BCKDHB: variants seen among roughly 807,000 people sequenced by gnomAD.
BCKDHB encodes branched chain keto acid dehydrogenase E1 subunit beta, also known as 2-oxoisovalerate dehydrogenase subunit beta, mitochondrial.
A neutral mutation model predicts 48.5 loss-of-function variants in BCKDHB; 41 were observed. That is an observed-to-expected ratio of 0.85 (90% confidence interval 0.66 to 1.10). BCKDHB has a LOEUF of 1.10. Ranked by LOEUF, BCKDHB falls within the 50% of genes least tolerant of loss-of-function variation. The pLI, the probability that BCKDHB is intolerant of heterozygous loss-of-function variation, is 0.00. For synonymous variants in BCKDHB, 201 were observed against 174.8 expected, an observed-to-expected ratio of 1.15 and a Z score of -1.18; for missense variants, 496 against 494.2, an observed-to-expected ratio of 1.00 and a Z score of -0.03.
intron 8 of BCKDHB, among the ~76,000 whole-genome samples, chr6:80,216,269 A>T (rs1372598567): frequency 6.6e-6 from 1 of 152,110 alleles, no homozygotes; most frequent in African/African-American, 2.4e-5. Context: ...AAAAATTGTC[A>T]CTTGAGAGTT....
the BCKDHB span, among the ~76,000 whole-genome samples, chr6:80,448,061 C>T: frequency 9.2e-5 from 14 of 151,986 alleles, no homozygotes; most frequent in East Asian, 1.9e-4. Flanking sequence ...GAGAGTTAAA[C>T]GGAGGTGCTG....
chr6:80,343,501 A>T, intron 9 of BCKDHB, 163 bp from the exon 10 acceptor site: 1 of 753,458 alleles, frequency 1.3e-6, no homozygotes, highest in Non-Finnish European at 2.2e-6. Flanking sequence ...GGATCATGCG[A>T]ACATGCTGTT....
the BCKDHB span, among the ~76,000 whole-genome samples, chr6:80,400,716 C>T: frequency 2.0e-5 from 3 of 151,776 alleles, no homozygotes; most frequent in Non-Finnish European, 3.0e-5. Flanking sequence ...TAACTGGGTA[C>T]ATATCCCCAA....
the BCKDHB span, among the ~76,000 whole-genome samples, chr6:80,403,308 C>A: frequency 6.6e-6 from 1 of 151,716 alleles, no homozygotes; most frequent in Admixed American, 6.6e-5. Flanking sequence ...ACAGATCTTA[C>A]ACTTCTTTGG....
chr6:80,421,663 A>G, the BCKDHB span, among the ~76,000 whole-genome samples: 2 of 152,204 alleles, frequency 1.3e-5, no homozygotes, highest in African/African-American at 2.4e-5. Flanking sequence ...TACTCTTACC[A>G]TGCTTTAGCA....
downstream of BCKDHB, among the ~76,000 whole-genome samples, chr6:80,349,209 C>T (rs1479679553): frequency 6.6e-6 from 1 of 152,158 alleles, no homozygotes; most frequent in East Asian, 1.9e-4. Flanking sequence ...TGCTGTTAAC[C>T]TTGAAAGTTT....
intron 3 of BCKDHB, among the ~76,000 whole-genome samples, chr6:80,154,038 T>C: frequency 6.6e-6 from 1 of 152,206 alleles, no homozygotes; most frequent in East Asian, 1.9e-4. Context: ...CACTTTACCT[T>C]CTACCTGTGC....
chr6:80,350,201 C>A (rs1346546082), downstream of BCKDHB, among the ~76,000 whole-genome samples: 2 of 151,990 alleles, frequency 1.3e-5, no homozygotes, highest in Non-Finnish European at 2.9e-5. Context: ...AATATGAGAT[C>A]ACTGATGTGC....
At chr6:80,182,931 A>G (rs1207189833) in intron 6 of BCKDHB, among the ~76,000 whole-genome samples, 2 of 152,132 alleles carry the variant, frequency 1.3e-5, no homozygotes, top group African/African-American at 4.8e-5. Flanking sequence ...TTTTATATTC[A>G]TAAAACCGTA....
At chr6:80,117,324 A>G (rs1488980442) in intron 1 of BCKDHB, among the ~76,000 whole-genome samples, 1 of 152,234 alleles carries the variant, frequency 6.6e-6, no homozygotes, top group Non-Finnish European at 1.5e-5. Context: ...TTTACTTTGT[A>G]TGATTTTTAT....
chr6:80,428,043 C>T, the BCKDHB span, among the ~76,000 whole-genome samples: 1 of 151,732 alleles, frequency 6.6e-6, no homozygotes, highest in Non-Finnish European at 1.5e-5. Flanking sequence ...CCCTCACAGG[C>T]CTCGGTGTGT....
chr6:80,374,026 C>A, the BCKDHB span: 22 of 643,594 alleles, frequency 3.4e-5, no homozygotes, highest in Non-Finnish European at 5.5e-5. Flanking sequence ...TACTCCCATG[C>A]CATAAGTTTT....
the BCKDHB span, among the ~76,000 whole-genome samples, chr6:80,412,431 G>A: frequency 7.9e-5 from 12 of 151,988 alleles, no homozygotes; most frequent in Admixed American, 2.6e-4. Context: ...ACAGATGTAA[G>A]CCATCACACC....
chr6:80,392,321 T>G, the BCKDHB span, among the ~76,000 whole-genome samples: 1 of 152,118 alleles, frequency 6.6e-6, no homozygotes, highest in Non-Finnish European at 1.5e-5. Context: ...ATACAGAGAT[T>G]GTTTTCTTCA....
chr6:80,442,754 G>T, the BCKDHB span, among the ~76,000 whole-genome samples: 1 of 152,082 alleles, frequency 6.6e-6, no homozygotes, highest in Non-Finnish European at 1.5e-5. Flanking sequence ...GACAAAATAT[G>T]GAATTCCAAG....
intron 9 of BCKDHB, among the ~76,000 whole-genome samples, chr6:80,284,549 T>C (rs898180209): frequency 6.6e-6 from 1 of 152,124 alleles, no homozygotes; most frequent in African/African-American, 2.4e-5. Context: ...TTTTAATCCT[T>C]TAGAGGATCA....
chr6:80,109,625 T>G (rs535405939), intron 1 of BCKDHB, among the ~76,000 whole-genome samples: 63 of 152,368 alleles, frequency 4.1e-4, no homozygotes, highest in Non-Finnish European at 7.4e-4. Context: ...TTGTTTCATT[T>G]CTGTTGAGGA....
At chr6:80,355,201 A>G in the BCKDHB span, among the ~76,000 whole-genome samples, 6 of 152,026 alleles carry the variant, frequency 3.9e-5, no homozygotes, top group Non-Finnish European at 8.8e-5. Context: ...GGAGTTCGAG[A>G]CTAGCCTGGC....
chr6:80,364,836 C>T, the BCKDHB span, among the ~76,000 whole-genome samples: 1 of 152,104 alleles, frequency 6.6e-6, no homozygotes. Context: ...GAACCCACCC[C>T]CAATATTTCA....
Sources: gnomAD v4.1 joint callset for allele counts (sites outside exome capture counted in the v4.1 genomes callset) on GRCh38, gnomAD v4.1.1 for gene constraint, MANE v1.5 for transcripts, NCBI Gene and HGNC (gene_info 2026-07-23, HGNC 2026-07-21) for gene names.